PBRM1: variants seen among roughly 807,000 people sequenced by gnomAD.
The protein encoded by PBRM1 is protein polybromo-1.
PBRM1 carries 27 observed loss-of-function variants against 194.5 expected under a neutral mutation model. That is an observed-to-expected ratio of 0.14 (90% CI 0.10 to 0.19). The LOEUF (loss-of-function observed/expected upper bound fraction) is 0.19. Among genes scored for constraint, PBRM1 ranks in the 10% least tolerant of loss-of-function variants. PBRM1 has a pLI of 1.00. For synonymous variants in PBRM1, 655 were observed against 693.2 expected, an observed-to-expected ratio of 0.94 and a Z score of 0.87; for missense variants, 1,466 against 2,077.2, an observed-to-expected ratio of 0.71 and a Z score of 5.72.
chr3:52,595,210 T>C (rs2093436729), intron 17 of PBRM1, among the ~76,000 whole-genome samples: 1 of 152,112 alleles, frequency 6.6e-6, no homozygotes, highest in African/African-American at 2.4e-5. Flanking sequence ...TTTTTTTTCA[T>C]TCTTTTATCC....
At chr3:52,611,632 G>T (rs1451586988) in intron 15 of PBRM1, among the ~76,000 whole-genome samples, 1 of 151,854 alleles carries the variant, frequency 6.6e-6, no homozygotes, top group African/African-American at 2.4e-5. Flanking sequence ...GCAAAACCCT[G>T]TCTCTACTAA....
At chr3:52,593,749 T>C (rs1184669664) in intron 17 of PBRM1, among the ~76,000 whole-genome samples, 1 of 152,204 alleles carries the variant, frequency 6.6e-6, no homozygotes, top group Non-Finnish European at 1.5e-5. Context: ...TTGAGTGATT[T>C]TGTCTTGATT....
intron 16 of PBRM1, among the ~76,000 whole-genome samples, chr3:52,606,906 T>A (rs1373974360): frequency 6.6e-6 from 1 of 152,214 alleles, no homozygotes; most frequent in African/African-American, 2.4e-5. Flanking sequence ...CAAACTATTG[T>A]CACCTGAGTG....
chr3:52,660,982 TCTA>T (rs2096711748), intron 4 of PBRM1, among the ~76,000 whole-genome samples: 1 of 152,216 alleles, frequency 6.6e-6, no homozygotes, highest in Admixed American at 6.5e-5. Flanking sequence ...TGTGATCCCC[TCTA>T]CTATTCTTTT....
At chr3:52,667,397 TA>T (rs141642277) in intron 3 of PBRM1, among the ~76,000 whole-genome samples, 5,320 of 151,538 alleles carry the variant, frequency 0.035, 127 homozygotes, top group Middle Eastern at 0.058. Flanking sequence ...CAAAATCAAA[TA>T]AAAAAAATAA....
chr3:52,562,858 T>C (rs992223425), intron 24 of PBRM1, among the ~76,000 whole-genome samples: 6 of 152,132 alleles, frequency 3.9e-5, no homozygotes, highest in Admixed American at 1.3e-4. Context: ...GTAAAAATTC[T>C]GAATGAGAAA....
chr3:52,576,973 C>G (rs986508891), intron 21 of PBRM1, among the ~76,000 whole-genome samples: 1 of 152,178 alleles, frequency 6.6e-6, no homozygotes, highest in Non-Finnish European at 1.5e-5. Context: ...TATCTAATGA[C>G]CAGGTTTTCT....
chr3:52,651,201 T>C (rs571998026), intron 6 of PBRM1, among the ~76,000 whole-genome samples: 37 of 152,324 alleles, frequency 2.4e-4, no homozygotes, highest in Admixed American at 2.6e-4. Flanking sequence ...ATGTGAGTGT[T>C]TAGTTGCCAC....
chr3:52,564,345 A>G, intron 22 of PBRM1, 112 bp from the exon 25 acceptor site: 1 of 783,712 alleles, frequency 1.3e-6, no homozygotes, highest in South Asian at 1.6e-5. Context: ...TAACAATTTT[A>G]AAGATATGAA....
intron 2 of PBRM1, among the ~76,000 whole-genome samples, chr3:52,674,479 C>CAA (rs34865590): frequency 1.3e-4 from 8 of 61,310 alleles, no homozygotes; most frequent in Admixed American, 4.0e-4. Context: ...AACTCCATCT[C>CAA]AAAAAAAAAA....
intron 6 of PBRM1, among the ~76,000 whole-genome samples, chr3:52,650,817 C>T (rs955758277): frequency 1.3e-5 from 2 of 152,194 alleles, no homozygotes; most frequent in East Asian, 3.8e-4. Flanking sequence ...AGAAAAACAA[C>T]CATATCAGTT....
rs867731294 is a variant in PBRM1, at chr3:52,583,117, A to C, written c.3387+3308T>G. On this transcript the variant is annotated intron_variant, in intron 20 of 29. Transcript: ENST00000296302. The stretch of plus-strand genomic sequence containing the variant: ...ATCTCAAAAAAAAAAAAAAAAAAAA[A>C]AAACTAATAGGGGCGGGGGCGGTGG... Among the ~76,000 whole-genome samples, 143 of 138,184 alleles carry C rather than the reference A, an allele frequency of 1.0e-3. 1 individual carries two copies. Among genetic ancestry groups the C allele is most frequent in the African/African-American group, 3.5e-3 (130 of 37,232 alleles). The allele number at this position is 138,184 out of a possible 152,430, so 90.7% of individuals were successfully genotyped here. A position where few individuals can be genotyped will look rare whatever the true frequency, so the allele number is the denominator to read the frequency against.
chr3:52,590,133 T>C (rs1386415483), intron 17 of PBRM1, among the ~76,000 whole-genome samples: 1 of 151,930 alleles, frequency 6.6e-6, no homozygotes, highest in Non-Finnish European at 1.5e-5. Context: ...ATGACTTTTA[T>C]TTTTGTTAAG....
chr3:52,550,686 T>C (rs775759799), intron 28 of PBRM1, 49 bp from the exon 31 acceptor site: 5 of 1,584,754 alleles, frequency 3.2e-6, no homozygotes, highest in African/African-American at 2.7e-5. Flanking sequence ...ACTCTGCACA[T>C]GTTCTGAGAA....
At chr3:52,624,652 G>C (rs938688091) in intron 13 of PBRM1, among the ~76,000 whole-genome samples, 1 of 152,208 alleles carries the variant, frequency 6.6e-6, no homozygotes, top group Non-Finnish European at 1.5e-5. Context: ...TGGTGAGGGG[G>C]CCTTCTGTCC....
At chr3:52,576,108 A>AAGTATAATGG (rs1374589014) in intron 22 of PBRM1, among the ~76,000 whole-genome samples, 1 of 152,162 alleles carries the variant, frequency 6.6e-6, no homozygotes, top group East Asian at 1.9e-4. Flanking sequence ...CATTAAATGT[A>AAGTATAATGG]CCAACGTTAA....
chr3:52,595,197 ATTTTTT>A (rs953732217), intron 17 of PBRM1, among the ~76,000 whole-genome samples: 6 of 147,048 alleles, frequency 4.1e-5, no homozygotes, highest in Admixed American at 4.1e-4. Flanking sequence ...TCCTTTGGCT[ATTTTTT>A]TTTTCATTCT....
At chr3:52,595,753 T>C (rs1330729272) in intron 17 of PBRM1, among the ~76,000 whole-genome samples, 1 of 152,234 alleles carries the variant, frequency 6.6e-6, no homozygotes, top group Non-Finnish European at 1.5e-5. Context: ...CCTAGTCCAG[T>C]TTTATTCCAG....
At chr3:52,572,174 G>C (rs2590845) in intron 22 of PBRM1, among the ~76,000 whole-genome samples, 1 of 141,674 alleles carries the variant, frequency 7.1e-6, no homozygotes, top group Non-Finnish European at 1.5e-5. Flanking sequence ...CAAATCTTTA[G>C]ATCTTTTATC....
Sources: allele counts gnomAD v4.1 joint callset (sites outside exome capture counted in the v4.1 genomes callset), GRCh38; gene constraint gnomAD v4.1.1; transcripts MANE v1.5; gene names NCBI Gene and HGNC (gene_info 2026-07-23, HGNC 2026-07-21).